The following LRRTM4 variants were observed in gnomAD, a reference collection of about 807,000 sequenced individuals.
The protein encoded by LRRTM4 is leucine-rich repeat transmembrane neuronal protein 4.
A neutral mutation model predicts 47.6 loss-of-function variants in LRRTM4; 25 were observed. The ratio of observed to expected loss-of-function variants is 0.53; its 90% CI spans 0.38 to 0.73. The LOEUF is 0.73. Ranked by LOEUF, LRRTM4 falls within the 30% of genes least tolerant of loss-of-function variation. The pLI is 0.00. For synonymous variants in LRRTM4, 311 were observed against 269.5 expected, an observed-to-expected ratio of 1.15 and a Z score of -1.51; for missense variants, 638 against 713.4, an observed-to-expected ratio of 0.89 and a Z score of 1.20.
At position 77,297,113 on chromosome 2, in the gene LRRTM4, G is replaced by T. The variant is rs567821652; in HGVS notation, c.1551+221205C>A. 4.5e-4 allele frequency among the ~76,000 whole-genome samples: 69 copies of T among 151,834 alleles called. 1 individual carries two copies. In the South Asian group the frequency reaches 0.011, roughly 24 times the overall value. On this transcript the variant is annotated intron_variant, in intron 3 of 3. Coordinates refer to ENST00000409884, the MANE Select transcript of LRRTM4 (RefSeq NM_001134745.3). ...TTGTTTTTGTTGTTATTGTTTTTTT[G>T]TTGTTGTTGTTGATGTTGTGGTGGT...
intron 3 of LRRTM4, among the ~76,000 whole-genome samples, chr2:76,791,596 G>C (rs1259840673): frequency 1.3e-5 from 2 of 152,080 alleles, no homozygotes; most frequent in Non-Finnish European, 2.9e-5. Flanking sequence ...TACAGGACAA[G>C]GGGAAACACA....
chr2:77,052,968 C>A (rs1261905456), intron 3 of LRRTM4, among the ~76,000 whole-genome samples: 1 of 151,092 alleles, frequency 6.6e-6, no homozygotes, highest in Non-Finnish European at 1.5e-5. Context: ...GCTAGGAATC[C>A]TAGGAGAAAG....
intron 3 of LRRTM4, among the ~76,000 whole-genome samples, chr2:76,902,624 C>G (rs1003167962): frequency 6.6e-6 from 1 of 152,072 alleles, no homozygotes; most frequent in Admixed American, 6.6e-5. Flanking sequence ...GGGGTGGACC[C>G]TAAAGACAAC....
chr2:77,162,565 C>A (rs771180348), intron 3 of LRRTM4, among the ~76,000 whole-genome samples: 18 of 152,178 alleles, frequency 1.2e-4, no homozygotes, highest in Admixed American at 9.8e-4. Flanking sequence ...CTGGGAGGCA[C>A]CTCCCAGTAG....
At chr2:77,447,352 A>G (rs566457250) in intron 3 of LRRTM4, among the ~76,000 whole-genome samples, 37 of 152,200 alleles carry the variant, frequency 2.4e-4, no homozygotes, top group African/African-American at 8.4e-4. Context: ...AGATATAAAT[A>G]TATTTGCTCA....
At chr2:77,168,305 CT>C (rs1377492660) in intron 3 of LRRTM4, among the ~76,000 whole-genome samples, 1 of 151,290 alleles carries the variant, frequency 6.6e-6, no homozygotes, top group Non-Finnish European at 1.5e-5. Flanking sequence ...ATATTTTTAC[CT>C]GTATATTGGG....
chr2:76,856,220 T>G (rs754321623), intron 3 of LRRTM4, among the ~76,000 whole-genome samples: 16 of 152,084 alleles, frequency 1.1e-4, no homozygotes, highest in Non-Finnish European at 1.5e-5. Context: ...GAGGTTGCAG[T>G]GAGCCAAGAT....
At chr2:77,128,003 C>T (rs762231636) in intron 3 of LRRTM4, among the ~76,000 whole-genome samples, 36 of 151,958 alleles carry the variant, frequency 2.4e-4, no homozygotes, top group Middle Eastern at 6.8e-3. Flanking sequence ...ATTTGCCAGG[C>T]GTAGTGGCGC....
intron 3 of LRRTM4, among the ~76,000 whole-genome samples, chr2:76,753,800 T>A (rs1196094127): frequency 6.6e-6 from 1 of 152,148 alleles, no homozygotes; most frequent in Non-Finnish European, 1.5e-5. Flanking sequence ...CAATGTGAAA[T>A]GGACTCTTGA....
intron 3 of LRRTM4, among the ~76,000 whole-genome samples, chr2:76,749,527 A>G (rs1666296551): frequency 6.6e-6 from 1 of 152,260 alleles, no homozygotes; most frequent in Non-Finnish European, 1.5e-5. Flanking sequence ...ACTCTATCAC[A>G]TATCAATACT....
At chr2:77,498,037 T>C (rs1232272497) in intron 3 of LRRTM4, among the ~76,000 whole-genome samples, 1 of 151,870 alleles carries the variant, frequency 6.6e-6, no homozygotes, top group Non-Finnish European at 1.5e-5. Context: ...GAACTAAACA[T>C]GGCAGGGCTA....
chr2:77,338,857 T>C lies in LRRTM4; in HGVS notation c.1551+179461A>G, dbSNP rs1456305000. Among the ~76,000 whole-genome samples, 18 of 151,984 alleles carry C rather than the reference T, an allele frequency of 1.2e-4. No individual in the cohort carries two copies. The East Asian group carries it at 3.5e-3, about 29-fold the overall frequency. On this transcript the variant is annotated intron_variant, in intron 3 of 3. Transcript: ENST00000409884. ...AAGCCAAGGAATCAACCTAAGTGTC[T>C]ATCAATGGTGGACTGGATGAAGAAA...
chr2:77,212,791 C>G (rs1674332280), intron 3 of LRRTM4, among the ~76,000 whole-genome samples: 1 of 152,022 alleles, frequency 6.6e-6, no homozygotes, highest in South Asian at 2.1e-4. Context: ...AAATTTACCT[C>G]TAATACAATT....
At chr2:77,143,481 A>C (rs538295724) in intron 3 of LRRTM4, among the ~76,000 whole-genome samples, 1 of 152,326 alleles carries the variant, frequency 6.6e-6, no homozygotes, top group African/African-American at 2.4e-5. Flanking sequence ...TAGTGGTAAA[A>C]GATGATATCA....
At chr2:77,175,849 G>A (rs1182626312) in intron 3 of LRRTM4, among the ~76,000 whole-genome samples, 3 of 152,072 alleles carry the variant, frequency 2.0e-5, no homozygotes, top group African/African-American at 7.2e-5. Context: ...TAGCAGAGAC[G>A]GGTTTTACCA....
At chr2:76,812,776 C>CCCCCCCCTT (rs146074054) in intron 3 of LRRTM4, among the ~76,000 whole-genome samples, 2 of 85,636 alleles carry the variant, frequency 2.3e-5, no homozygotes, top group South Asian at 4.9e-4. Flanking sequence ...CTCTCCCTCC[C>CCCCCCCCTT]CCTCCTCCTC....
At chr2:77,073,224 G>A (rs146583877) in intron 3 of LRRTM4, among the ~76,000 whole-genome samples, 2 of 151,202 alleles carry the variant, frequency 1.3e-5, no homozygotes, top group Non-Finnish European at 2.9e-5. Flanking sequence ...CATAGAACTT[G>A]ACAATACTAT....
chr2:77,366,692 C>T (rs182897446), intron 3 of LRRTM4, among the ~76,000 whole-genome samples: 1 of 152,008 alleles, frequency 6.6e-6, no homozygotes, highest in Non-Finnish European at 1.5e-5. Context: ...TACCACCATC[C>T]ATGCAGTTAG....
At chr2:77,176,662 T>C (rs1298540227) in intron 3 of LRRTM4, among the ~76,000 whole-genome samples, 1 of 152,192 alleles carries the variant, frequency 6.6e-6, no homozygotes. Flanking sequence ...AGGATCAAGA[T>C]GATAAAAAAT....
Sources: gnomAD v4.1 joint callset for allele counts (sites outside exome capture counted in the v4.1 genomes callset) on GRCh38, gnomAD v4.1.1 for gene constraint, MANE v1.5 for transcripts, NCBI Gene and HGNC (gene_info 2026-07-23, HGNC 2026-07-21) for gene names.